Variants in PPP1R9A observed in about 807,000 individuals in gnomAD.
PPP1R9A encodes the protein protein phosphatase 1 regulatory subunit 9A.
Under a neutral mutation model 141.9 loss-of-function variants are expected in PPP1R9A, and 59 were observed. The ratio of observed to expected loss-of-function variants is 0.42; its 90% confidence interval spans 0.34 to 0.52. The LOEUF is 0.52. Ranked by LOEUF, PPP1R9A falls within the 20% of genes least tolerant of loss-of-function variation. PPP1R9A has a pLI of 0.10. For missense variants in PPP1R9A, 1,444 were observed against 1,611.9 expected (o/e 0.90, Z 1.78); for synonymous variants, 500 against 569.7 (o/e 0.88, Z 1.74).
At chr7:94,974,930 G>A (rs1799261550) in intron 2 of PPP1R9A, among the ~76,000 whole-genome samples, 1 of 152,110 alleles carries the variant, frequency 6.6e-6, no homozygotes, top group Non-Finnish European at 1.5e-5. Context: ...AAGATCCTGG[G>A]CTCTGGTAAG....
At chr7:95,082,901 G>A (rs1299727411) in intron 2 of PPP1R9A, among the ~76,000 whole-genome samples, 2 of 150,278 alleles carry the variant, frequency 1.3e-5, no homozygotes, top group Admixed American at 6.7e-5. Context: ...GACTACAGGC[G>A]CCCACCACCA....
intron 2 of PPP1R9A, among the ~76,000 whole-genome samples, chr7:94,958,514 T>C (rs973666305): frequency 6.6e-6 from 1 of 152,042 alleles, no homozygotes; most frequent in African/African-American, 2.4e-5. Context: ...ACTCTCACCT[T>C]CTTTTTTCTT....
intron 3 of PPP1R9A, among the ~76,000 whole-genome samples, chr7:95,115,930 AAAAG>A (rs1440246802): frequency 3.4e-4 from 51 of 151,814 alleles, no homozygotes; most frequent in African/African-American, 8.4e-4. Flanking sequence ...AAAAAAAAAA[AAAAG>A]AAAGAAAGAC....
At chr7:94,916,334 A>G (rs1562987554) in intron 2 of PPP1R9A, among the ~76,000 whole-genome samples, 2 of 152,182 alleles carry the variant, frequency 1.3e-5, no homozygotes, top group African/African-American at 4.8e-5. Context: ...TACATTTCTA[A>G]CAAGCTCTCA....
intron 2 of PPP1R9A, among the ~76,000 whole-genome samples, chr7:95,072,084 C>T (rs1380586643): frequency 6.6e-6 from 1 of 151,090 alleles, no homozygotes; most frequent in East Asian, 1.9e-4. Flanking sequence ...ATTTTATTAA[C>T]TAGGTTTATT....
intron 3 of PPP1R9A, among the ~76,000 whole-genome samples, chr7:95,120,077 C>T (rs908879957): frequency 6.6e-6 from 1 of 151,314 alleles, no homozygotes; most frequent in African/African-American, 2.4e-5. Context: ...CTGCCTCAAC[C>T]TCCCAAGTAG....
intron 2 of PPP1R9A, among the ~76,000 whole-genome samples, chr7:94,990,887 T>C (rs545580643): frequency 1.1e-3 from 168 of 152,270 alleles, no homozygotes; most frequent in Non-Finnish European, 1.0e-3. Flanking sequence ...GATTTCCTTC[T>C]TTTTTATGGC....
rs1023755784 is a variant in PPP1R9A at position 95,031,106 on chromosome 7, C to T, written c.1396-80153C>T. Reference sequence around the variant, plus strand: ...CTATTGAATATCAACCTTGCGTTTACCTGAATGTGTCTACCCAAAACTGGA... The same window carrying T: ...CTATTGAATATCAACCTTGCGTTTATCTGAATGTGTCTACCCAAAACTGGA... On this transcript the variant is annotated intron_variant, in intron 2 of 19. Transcript: ENST00000433360. Among the ~76,000 whole-genome samples the T allele has an allele frequency of 9.9e-5, 15 of 152,120 alleles. 1 individual carries two copies. Among genetic ancestry groups the T allele is most frequent in the Non-Finnish European group, 2.1e-4 (14 of 68,016 alleles).
chr7:95,214,332 T>G (rs1792814686), intron 7 of PPP1R9A: 2 of 152,230 alleles, frequency 1.3e-5, no homozygotes. Context: ...TTGGCAGGAC[T>G]GAGAAGACCC....
intron 3 of PPP1R9A, among the ~76,000 whole-genome samples, chr7:95,119,913 TG>T (rs1822224364): frequency 6.6e-6 from 1 of 151,688 alleles, no homozygotes; most frequent in South Asian, 2.1e-4. Flanking sequence ...TATATATTCT[TG>T]GGTATAGAAG....
chr7:95,269,647 G>A, intron 14 of PPP1R9A, 140 bp downstream of exon 14: 1 of 627,520 alleles, frequency 1.6e-6, no homozygotes, highest in Non-Finnish European at 2.4e-6. Flanking sequence ...TAGAATAAGA[G>A]AAACAACCCC....
chr7:94,989,406 G>C (rs1338806482), intron 2 of PPP1R9A, among the ~76,000 whole-genome samples: 1 of 152,026 alleles, frequency 6.6e-6, no homozygotes, highest in Non-Finnish European at 1.5e-5. Flanking sequence ...CTTTCTATTG[G>C]GGGTAGTCAG....
intron 5 of PPP1R9A, among the ~76,000 whole-genome samples, chr7:95,175,341 A>G (rs1368619611): frequency 6.6e-6 from 1 of 152,006 alleles, no homozygotes; most frequent in Non-Finnish European, 1.5e-5. Flanking sequence ...GGGCAAATAG[A>G]TTAATGCTAT....
chr7:95,164,196 T>C (rs1279683724), intron 5 of PPP1R9A, among the ~76,000 whole-genome samples: 1 of 152,190 alleles, frequency 6.6e-6, no homozygotes, highest in African/African-American at 2.4e-5. Flanking sequence ...CTATCAGCAA[T>C]GAGTGAGAGT....
intron 2 of PPP1R9A, among the ~76,000 whole-genome samples, chr7:95,074,623 C>G (rs560617461): frequency 3.0e-4 from 46 of 151,974 alleles, no homozygotes; most frequent in African/African-American, 9.6e-4. Context: ...TACAGACATG[C>G]GCCACCACGC....
chr7:95,190,664 G>A (rs1345516487), intron 5 of PPP1R9A, among the ~76,000 whole-genome samples: 1 of 152,198 alleles, frequency 6.6e-6, no homozygotes, highest in Non-Finnish European at 1.5e-5. Context: ...CCATCCAGGA[G>A]GTGGCGCTTT....
At position 95,122,272 on chromosome 7, in the gene PPP1R9A, G is replaced by C. The variant is rs1236016262; in HGVS notation, c.1649+1440G>C. ...AGTGATTCTCCTGCCTCAGCCTTCTGAGTAGCTGGGACCACAGGTGTGGAC... is the reference window on the plus strand; with the variant it reads ...AGTGATTCTCCTGCCTCAGCCTTCTCAGTAGCTGGGACCACAGGTGTGGAC... On this transcript the variant is annotated intron_variant, in intron 4 of 19. Transcript: ENST00000433360. 2.6e-5 allele frequency among the ~76,000 whole-genome samples: 4 copies of C among 151,522 alleles called. No homozygotes were observed. In the East Asian group the frequency reaches 5.9e-4, roughly 22 times the overall value.
At chr7:95,132,657 C>A (rs1824869656) in intron 4 of PPP1R9A, among the ~76,000 whole-genome samples, 1 of 152,080 alleles carries the variant, frequency 6.6e-6, no homozygotes, top group Admixed American at 6.5e-5. Context: ...CGGCCGATGT[C>A]TCTTTGCTCA....
chr7:95,172,245 T>C (rs1423887806), intron 5 of PPP1R9A, among the ~76,000 whole-genome samples: 1 of 151,686 alleles, frequency 6.6e-6, no homozygotes, highest in Non-Finnish European at 1.5e-5. Context: ...CCAGAGGCCA[T>C]AGCTAATTCA....
Sources: allele counts gnomAD v4.1 joint callset (sites outside exome capture counted in the v4.1 genomes callset), GRCh38; gene constraint gnomAD v4.1.1; transcripts MANE v1.5; gene names NCBI Gene and HGNC (gene_info 2026-07-23, HGNC 2026-07-21).